DYNC1I1: variants seen among roughly 807,000 people sequenced by gnomAD.
DYNC1I1 encodes the protein dynein cytoplasmic 1 intermediate chain 1.
Under a neutral mutation model 86.6 loss-of-function variants are expected in DYNC1I1, and 43 were observed. That is an observed-to-expected ratio of 0.50 (90% CI 0.39 to 0.64). The LOEUF (loss-of-function observed/expected upper bound fraction) is 0.64, where lower values mean the gene tolerates loss of function less well. Among genes scored for constraint, DYNC1I1 ranks in the 30% least tolerant of loss-of-function variants. The pLI, the probability that DYNC1I1 is intolerant of heterozygous loss-of-function variation, is 0.00. For synonymous variants in DYNC1I1, 262 were observed against 283.7 expected (o/e 0.92, Z 0.77); for missense variants, 604 against 788.8 (o/e 0.77, Z 2.81).
chr7:95,910,709 G>A (rs1791311348), intron 6 of DYNC1I1, among the ~76,000 whole-genome samples: 1 of 152,128 alleles, frequency 6.6e-6, no homozygotes, highest in African/African-American at 2.4e-5. Flanking sequence ...TTACAGACTG[G>A]GTTCAAGTCC....
chr7:95,934,247 G>A (rs896902344), intron 6 of DYNC1I1, among the ~76,000 whole-genome samples: 1 of 152,262 alleles, frequency 6.6e-6, no homozygotes, highest in African/African-American at 2.4e-5. Flanking sequence ...TGGTTACTGA[G>A]TACTTCTGGA....
chr7:96,058,574 G>A (rs1469340353), intron 14 of DYNC1I1, among the ~76,000 whole-genome samples: 1 of 151,994 alleles, frequency 6.6e-6, no homozygotes, highest in Non-Finnish European at 1.5e-5. Flanking sequence ...AAACCCCCCC[G>A]ACTTCACAAA....
chr7:96,085,947 T>C (rs189492846), intron 16 of DYNC1I1, among the ~76,000 whole-genome samples: 2 of 152,226 alleles, frequency 1.3e-5, no homozygotes. Context: ...TTTCAAATGA[T>C]GTATGAACAC....
At chr7:95,919,743 A>C (rs1445160807) in intron 6 of DYNC1I1, among the ~76,000 whole-genome samples, 1 of 152,224 alleles carries the variant, frequency 6.6e-6, no homozygotes, top group Non-Finnish European at 1.5e-5. Flanking sequence ...TTGGGGAAAA[A>C]TATGAAGTGA....
At chr7:96,036,060 C>T (rs931887875) in intron 13 of DYNC1I1, among the ~76,000 whole-genome samples, 1 of 152,146 alleles carries the variant, frequency 6.6e-6, no homozygotes, top group African/African-American at 2.4e-5. Context: ...TCAGAGATAA[C>T]AATCCCCAAA....
At chr7:96,097,422 T>G (rs1791047277) in intron 16 of DYNC1I1, 61 bp from the exon 17 acceptor site, 1 of 1,594,310 alleles carries the variant, frequency 6.3e-7, no homozygotes, top group East Asian at 2.2e-5. Context: ...CATTCAGGCT[T>G]CAAGGCTTTC....
At chr7:95,787,609 A>T (rs1253111679) in intron 1 of DYNC1I1, among the ~76,000 whole-genome samples, 1 of 152,200 alleles carries the variant, frequency 6.6e-6, no homozygotes, top group Non-Finnish European at 1.5e-5. Context: ...ATATTTATTC[A>T]TTCATTCAAC....
At chr7:95,912,844 A>C (rs1584153351) in intron 6 of DYNC1I1, among the ~76,000 whole-genome samples, 1 of 152,322 alleles carries the variant, frequency 6.6e-6, no homozygotes, top group East Asian at 1.9e-4. Flanking sequence ...CCTCAAAGGC[A>C]GGAGATTGGT....
intron 6 of DYNC1I1, among the ~76,000 whole-genome samples, chr7:95,925,167 C>A (rs1791710952): frequency 6.6e-6 from 1 of 152,116 alleles, no homozygotes; most frequent in Admixed American, 6.6e-5. Context: ...TTCTGGGTGG[C>A]TGGGATGGTT....
chr7:95,787,265 C>A (rs1232263268), intron 1 of DYNC1I1, among the ~76,000 whole-genome samples: 2 of 152,132 alleles, frequency 1.3e-5, no homozygotes, highest in Non-Finnish European at 2.9e-5. Context: ...AGTTTCTGGG[C>A]CCTTGGTTTG....
chr7:95,785,746 T>C (rs1450244407), intron 1 of DYNC1I1, among the ~76,000 whole-genome samples: 1 of 143,972 alleles, frequency 6.9e-6, no homozygotes. Flanking sequence ...TATATATATA[T>C]GTGTGTATGT....
intron 6 of DYNC1I1, among the ~76,000 whole-genome samples, chr7:95,905,106 T>C (rs1014413000): frequency 6.6e-6 from 1 of 152,178 alleles, no homozygotes; most frequent in Admixed American, 6.5e-5. Context: ...TTATTTAAAG[T>C]GTTGTTTTCA....
chr7:95,870,722 G>A (rs1333647585), intron 6 of DYNC1I1, among the ~76,000 whole-genome samples: 1 of 152,152 alleles, frequency 6.6e-6, no homozygotes. Flanking sequence ...AGTCACATAC[G>A]GGTATCAGAG....
chr7:95,929,786 T>A (rs186751017), intron 6 of DYNC1I1, among the ~76,000 whole-genome samples: 22 of 152,384 alleles, frequency 1.4e-4, no homozygotes, highest in Non-Finnish European at 2.5e-4. Context: ...ATGGCTAACA[T>A]CTTTCATTTC....
chr7:95,863,947 T>C (rs1794728855), intron 5 of DYNC1I1, among the ~76,000 whole-genome samples: 1 of 152,244 alleles, frequency 6.6e-6, no homozygotes, highest in Admixed American at 6.5e-5. Flanking sequence ...TTCACGTTTT[T>C]CTCAAAATTT....
At chr7:95,835,714 T>G (rs569276040) in intron 5 of DYNC1I1, among the ~76,000 whole-genome samples, 1 of 152,236 alleles carries the variant, frequency 6.6e-6, no homozygotes, top group Non-Finnish European at 1.5e-5. Context: ...TTGATCCCTT[T>G]ACCATTATGT....
chr7:96,075,649 G>A (rs551860581), intron 14 of DYNC1I1, among the ~76,000 whole-genome samples: 40 of 152,334 alleles, frequency 2.6e-4, no homozygotes, highest in African/African-American at 9.4e-4. Context: ...GTTCGGGGCG[G>A]TCGGGACCGC....
At chr7:96,073,980 T>G (rs971426719) in intron 14 of DYNC1I1, among the ~76,000 whole-genome samples, 3 of 152,168 alleles carry the variant, frequency 2.0e-5, no homozygotes, top group Admixed American at 6.5e-5. Context: ...GAAAGAAAGA[T>G]GCTACAGAAA....
In DYNC1I1 at chr7:96,080,505, G is replaced by A. The variant is rs1189067695; in HGVS notation, c.1776+17G>A. On this transcript the variant is annotated intron_variant, in intron 16 of 16. Transcript: ENST00000447467. ...GTTGGAGAGGTACGTGTGTATTTGT[G>A]TTGTTGTTACTGTTTTGACTTGTGT... 4 of 1,614,080 alleles carry A rather than the reference G, an allele frequency of 2.5e-6. No individual in the cohort carries two copies. The highest frequency in any genetic ancestry group is 3.4e-6 in the Non-Finnish European group (4 of 1,179,980).
Sources: allele counts gnomAD v4.1 joint callset (sites outside exome capture counted in the v4.1 genomes callset), GRCh38; gene constraint gnomAD v4.1.1; transcripts MANE v1.5; gene names NCBI Gene and HGNC (gene_info 2026-07-23, HGNC 2026-07-21).